TCEA1: variants seen among roughly 807,000 people sequenced by gnomAD.
The protein encoded by TCEA1 is transcription elongation factor A1, also known as transcription elongation factor A protein 1.
A neutral mutation model predicts 43.8 loss-of-function variants in TCEA1; 21 were observed. The observed-to-expected ratio is 0.48, with a 90% CI of 0.34 to 0.69. The LOEUF is 0.69. TCEA1 is among the 30% of genes least tolerant of loss of function. The probability of loss-of-function intolerance (pLI) is 0.01; values close to 1 mark genes in which losing one functional copy is unlikely to be tolerated. For missense variants in TCEA1, 250 were observed against 365.1 expected, an observed-to-expected ratio of 0.68 and a Z score of 2.57; for synonymous variants, 104 against 117.5, an observed-to-expected ratio of 0.88 and a Z score of 0.75.
chr8:53,987,057 T>C lies in TCEA1; in HGVS notation c.467-32A>G, dbSNP rs369930129. On this transcript the variant is annotated intron_variant, in intron 5 of 9. Transcript: ENST00000521604. ...ATAGGCATAAAGAATTGTCAAATTA[T>C]TGTAACAGATTAAAAGAAAATTCTA... 17 of 1,539,414 alleles carry C rather than the reference T, an allele frequency of 1.1e-5. No individual in the cohort carries two copies. In the African/African-American group the frequency reaches 2.3e-4, roughly 21 times the overall value.
chr8:54,003,250 T>C (rs1266755296), intron 2 of TCEA1, among the ~76,000 whole-genome samples: 3 of 152,216 alleles, frequency 2.0e-5, no homozygotes, highest in Non-Finnish European at 4.4e-5. Flanking sequence ...AAATCTCATG[T>C]CGATAGACCG....
At chr8:54,019,111 T>C (rs556522172) in intron 1 of TCEA1, among the ~76,000 whole-genome samples, 1 of 152,204 alleles carries the variant, frequency 6.6e-6, no homozygotes, top group Non-Finnish European at 1.5e-5. Flanking sequence ...CTCAGAGTAA[T>C]AGCTCAATAA....
intron 7 of TCEA1, among the ~76,000 whole-genome samples, chr8:53,982,511 G>A (rs978579482): frequency 6.6e-6 from 1 of 151,274 alleles, no homozygotes; most frequent in African/African-American, 2.4e-5. Context: ...AGGAGACTAA[G>A]GCAGGAGAAT....
chr8:53,988,294 A>G (rs1375734237), intron 4 of TCEA1, 35 bp from the exon 5 acceptor site: 3 of 1,597,744 alleles, frequency 1.9e-6, no homozygotes, highest in South Asian at 2.2e-5. Flanking sequence ...AAAGAAATCA[A>G]GAACAATCCT....
chr8:54,005,959 C>T (rs1179462626), intron 2 of TCEA1, among the ~76,000 whole-genome samples: 1 of 152,172 alleles, frequency 6.6e-6, no homozygotes, highest in Non-Finnish European at 1.5e-5. Context: ...AACTAGCTCT[C>T]CTTTATTTTC....
intron 1 of TCEA1, among the ~76,000 whole-genome samples, chr8:54,021,060 A>G (rs2129316048): frequency 6.6e-6 from 1 of 152,248 alleles, no homozygotes; most frequent in Middle Eastern, 3.4e-3. Flanking sequence ...GTGGTGGCGC[A>G]CGTCTGTAAT....
intron 8 of TCEA1, among the ~76,000 whole-genome samples, chr8:53,975,237 C>A (rs1033647777): frequency 2.0e-5 from 3 of 152,106 alleles, no homozygotes. Flanking sequence ...CAACTATACA[C>A]AGAAAAAAAT....
At chr8:53,974,889 C>T (rs1803283222) in intron 8 of TCEA1, among the ~76,000 whole-genome samples, 1 of 151,770 alleles carries the variant, frequency 6.6e-6, no homozygotes, top group East Asian at 1.9e-4. Context: ...AGTATCTACG[C>T]TTGTTTGTTT....
At position 53,996,903 on chromosome 8, in the gene TCEA1, C is replaced by CTTTTTTTTTT. The variant is rs754537318; in HGVS notation, c.232+3032_232+3041dup. Among the ~76,000 whole-genome samples, 26 of 116,594 alleles carry CTTTTTTTTTT rather than the reference C, an allele frequency of 2.2e-4. 3 individuals carry two copies. Among genetic ancestry groups the CTTTTTTTTTT allele is most frequent in the Admixed American group, 4.5e-4 (5 of 11,078 alleles). 76.5% of individuals were successfully genotyped at this position (116,594 alleles called of 152,430 possible). ...AGCTAAGGGGTAAAAAGAAGGTTGT[C>CTTTTTTTTTT]TTTTTTTTTTTTTTTAGACAGACTC... On this transcript the variant is annotated intron_variant, in intron 3 of 9. Transcript: ENST00000521604.
chr8:54,017,097 A>G (rs1475396512), intron 1 of TCEA1, among the ~76,000 whole-genome samples: 1 of 152,148 alleles, frequency 6.6e-6, no homozygotes. Context: ...ACAGACAGAA[A>G]GTATATTAGT....
intron 8 of TCEA1, chr8:53,972,221 A>G (rs933565671): frequency 3.2e-5 from 11 of 345,812 alleles, no homozygotes; most frequent in Non-Finnish European, 5.6e-5. Flanking sequence ...TTAGTAAAAC[A>G]GGAAGTGATG....
chr8:53,979,591 T>C (rs920254827), intron 7 of TCEA1, among the ~76,000 whole-genome samples: 22 of 152,138 alleles, frequency 1.4e-4, no homozygotes, highest in Admixed American at 6.6e-5. Flanking sequence ...CTAAAATCGA[T>C]CCCTCCTTGT....
intron 7 of TCEA1, among the ~76,000 whole-genome samples, chr8:53,980,648 C>A (rs1393921765): frequency 1.3e-5 from 2 of 151,942 alleles, no homozygotes; most frequent in African/African-American, 4.8e-5. Context: ...TCCGACTGCT[C>A]CACTCTTTCC....
chr8:54,013,490 C>T (rs969472821), intron 1 of TCEA1, among the ~76,000 whole-genome samples: 1 of 151,712 alleles, frequency 6.6e-6, no homozygotes, highest in Non-Finnish European at 1.5e-5. Flanking sequence ...ACCAGCCTGG[C>T]CAACATGGTG....
intron 5 of TCEA1, among the ~76,000 whole-genome samples, chr8:53,987,848 T>G (rs368946086): frequency 6.6e-6 from 1 of 152,176 alleles, no homozygotes; most frequent in Non-Finnish European, 1.5e-5. Flanking sequence ...GAGAAAAAAG[T>G]GTACATTACT....
chr8:53,979,838 A>C (rs1803450393), intron 7 of TCEA1, among the ~76,000 whole-genome samples: 1 of 152,062 alleles, frequency 6.6e-6, no homozygotes, highest in African/African-American at 2.4e-5. Flanking sequence ...ACCCCTCCAG[A>C]ACTCAGGCCC....
chr8:54,022,378 C>T lies in TCEA1; in HGVS notation c.-253G>A. The T allele has an allele frequency of 1.9e-6, 1 of 538,850 alleles. No individual in the cohort carries two copies. Among genetic ancestry groups the T allele is most frequent in the East Asian group, 3.5e-5 (1 of 28,268 alleles). 33.4% of individuals were successfully genotyped at this position (538,850 alleles called of 1,614,324 possible). A position where few individuals can be genotyped will look rare whatever the true frequency, so the allele number is the denominator to read the frequency against. On this transcript the variant is annotated 5_prime_UTR_variant, in exon 1 of 10. Transcript: ENST00000521604. The stretch of plus-strand genomic sequence containing the variant: ...CAGGCGCTACCAACTGACTGCAGAT[C>T]GCTGGTGAGGGGCGAGCCCATGTTC...
Position 54,002,340 on chromosome 8 carries a change from G to A in TCEA1, c.127-2290C>T, listed in dbSNP as rs931204566. The stretch of plus-strand genomic sequence containing the variant: ...AAAAATTAGCTGGGCATGGTGGCAC[G>A]CACCTGTAGTCCCAGCTACTTGGGA... On this transcript the variant is annotated intron_variant, in intron 2 of 9. Coordinates refer to ENST00000521604, the MANE Select transcript of TCEA1 (RefSeq NM_006756.4). Among the ~76,000 whole-genome samples the A allele has an allele frequency of 2.0e-5, 3 of 151,882 alleles. No homozygotes were observed. The East Asian group carries it at 5.8e-4, about 29-fold the overall frequency.
chr8:53,973,003 G>A, intron 8 of TCEA1: 14 of 669,826 alleles, frequency 2.1e-5, no homozygotes, highest in South Asian at 1.9e-4. Flanking sequence ...GGATGAGACT[G>A]AACATGAAAG....
Sources: gnomAD v4.1 joint callset for allele counts (sites outside exome capture counted in the v4.1 genomes callset) on GRCh38, gnomAD v4.1.1 for gene constraint, MANE v1.5 for transcripts, NCBI Gene and HGNC (gene_info 2026-07-23, HGNC 2026-07-21) for gene names.